Variants in UNC5C observed in about 807,000 individuals in gnomAD.
The protein encoded by UNC5C is netrin receptor UNC5C.
In UNC5C, 47 loss-of-function variants were observed where a neutral mutation model predicts 99.8. That is an observed-to-expected ratio of 0.47 (90% confidence interval 0.37 to 0.60). The LOEUF is 0.60. UNC5C is among the 20% of genes least tolerant of loss of function. The pLI is 0.00. For missense variants in UNC5C, 1,062 were observed against 1,165.9 expected (o/e 0.91, Z 1.30); for synonymous variants, 487 against 452.2 (o/e 1.08, Z -0.98).
At chr4:95,289,605 C>T (rs1437377722) in intron 3 of UNC5C, among the ~76,000 whole-genome samples, 3 of 152,086 alleles carry the variant, frequency 2.0e-5, no homozygotes, top group Non-Finnish European at 4.4e-5. Context: ...CAAAGTGCTC[C>T]TCTAGCAAAT....
At chr4:95,526,801 C>G (rs550398866) in intron 1 of UNC5C, among the ~76,000 whole-genome samples, 2 of 148,668 alleles carry the variant, frequency 1.3e-5, no homozygotes, top group Admixed American at 6.7e-5. Flanking sequence ...TGAAACTACT[C>G]ATGTGGATTG....
At chr4:95,213,309 T>C (rs1738137615) in intron 10 of UNC5C, among the ~76,000 whole-genome samples, 1 of 152,226 alleles carries the variant, frequency 6.6e-6, no homozygotes, top group South Asian at 2.1e-4. Flanking sequence ...TTGTGCAAAC[T>C]GCTACTAGAA....
At chr4:95,304,270 G>A (rs1448996295) in intron 2 of UNC5C, among the ~76,000 whole-genome samples, 1 of 152,164 alleles carries the variant, frequency 6.6e-6, no homozygotes, top group Non-Finnish European at 1.5e-5. Context: ...ATCCTTGTAT[G>A]TTTATATATT....
At chr4:95,237,114 T>C (rs946237399) in intron 7 of UNC5C, among the ~76,000 whole-genome samples, 1 of 152,214 alleles carries the variant, frequency 6.6e-6, no homozygotes, top group Non-Finnish European at 1.5e-5. Flanking sequence ...TTATACTGTA[T>C]TTTAACATTT....
intron 2 of UNC5C, among the ~76,000 whole-genome samples, chr4:95,315,400 TTTATGTCTA>T (rs1196528487): frequency 6.6e-6 from 1 of 152,196 alleles, no homozygotes; most frequent in Non-Finnish European, 1.5e-5. Context: ...TTGTAATGTC[TTTATGTCTA>T]TTCTACACTA....
chr4:95,418,045 C>G (rs555275530), intron 1 of UNC5C, among the ~76,000 whole-genome samples: 2 of 152,100 alleles, frequency 1.3e-5, no homozygotes, highest in Non-Finnish European at 2.9e-5. Flanking sequence ...TATGGTGACT[C>G]CTTCTTCCAT....
At chr4:95,497,752 A>G (rs534740538) in intron 1 of UNC5C, among the ~76,000 whole-genome samples, 16 of 152,120 alleles carry the variant, frequency 1.1e-4, no homozygotes, top group African/African-American at 3.6e-4. Context: ...ATGGTATTAG[A>G]GAAAGTTAAG....
intron 3 of UNC5C, among the ~76,000 whole-genome samples, chr4:95,296,044 T>C (rs1460105448): frequency 6.6e-6 from 1 of 152,222 alleles, no homozygotes; most frequent in East Asian, 1.9e-4. Context: ...GCCGAGATTG[T>C]GCTATTGCAC....
At chr4:95,424,518 CTTTTTTT>C (rs536039867) in intron 1 of UNC5C, among the ~76,000 whole-genome samples, 9 of 67,962 alleles carry the variant, frequency 1.3e-4, no homozygotes, top group East Asian at 1.3e-3. Context: ...TTTTTCTTTT[CTTTTTTT>C]TTTTTTTTTT....
rs758844127 is a variant in UNC5C, at chr4:95,219,113, G to T, written c.1501C>A (p.Leu501Met). ...AACGACTGGGTCATCTGAGGGGACA[G>T]CTTGGACGTAAACTCAGAGAGGTCA... ...QDDLSEFTSK[L>M]SPQMTQSLLE... Residue 501 changes from leucine (L) to methionine (M), a missense_variant, in exon 9 of 16, where the codon CTG becomes ATG. By Grantham distance (15) the Leu-to-Met change is conservative. This residue lies in a region of UNC5C where 810 missense variants were observed against 854.5 expected (regional missense o/e 0.95). Transcript: ENST00000453304. The T allele has an allele frequency of 6.2e-7, 1 of 1,614,168 alleles. No homozygotes were observed. Among genetic ancestry groups the T allele is most frequent in the South Asian group, 1.1e-5 (1 of 91,086 alleles).
chr4:95,486,437 C>T (rs1029516394), intron 1 of UNC5C, among the ~76,000 whole-genome samples: 1 of 115,198 alleles, frequency 8.7e-6, no homozygotes, highest in Non-Finnish European at 2.1e-5. Flanking sequence ...CTCTTCTTGA[C>T]ATTTCTACTG....
chr4:95,424,608 A>G (rs1408599439), intron 1 of UNC5C, among the ~76,000 whole-genome samples: 14 of 129,012 alleles, frequency 1.1e-4, no homozygotes, highest in South Asian at 7.5e-4. Flanking sequence ...TGCAAGCTCC[A>G]CCTCCCGGGT....
chr4:95,222,257 TAAATGAAACCTTGAAAAGAAAAAA>T, intron 7 of UNC5C: 1 of 1,469,068 alleles, frequency 6.8e-7, no homozygotes, highest in Non-Finnish European at 9.0e-7. Context: ...TGAAATGGGA[TAAATGAAACCTTGAAAAGAAAAAA>T]AAATGAAACA....
At chr4:95,214,617 G>A (rs1027450750) in intron 10 of UNC5C, among the ~76,000 whole-genome samples, 1 of 152,226 alleles carries the variant, frequency 6.6e-6, no homozygotes, top group Non-Finnish European at 1.5e-5. Context: ...GCCCCTTAAG[G>A]CTTGATCTTC....
At chr4:95,536,793 T>C (rs1722793175) in intron 1 of UNC5C, among the ~76,000 whole-genome samples, 1 of 152,214 alleles carries the variant, frequency 6.6e-6, no homozygotes, top group African/African-American at 2.4e-5. Flanking sequence ...CTGTTATTAA[T>C]GTTTGAGTTA....
chr4:95,310,971 G>A lies in UNC5C; in HGVS notation c.347-9222C>T, dbSNP rs56115801. Among the ~76,000 whole-genome samples, 1,144 of 152,150 alleles carry A rather than the reference G, an allele frequency of 7.5e-3. 13 individuals are homozygous for A. Among genetic ancestry groups the A allele is most frequent in the East Asian group, 0.033 (172 of 5,172 alleles). On this transcript the variant is annotated intron_variant, in intron 2 of 15. Transcript: ENST00000453304. ...CACAGTTTTCCTCTTTCCTTTGTGC[G>A]AGCATCAGGTTTTGAGTTTTACAGG...
chr4:95,259,862 T>A (rs1181540577), intron 4 of UNC5C, among the ~76,000 whole-genome samples: 1 of 152,320 alleles, frequency 6.6e-6, no homozygotes, highest in South Asian at 2.1e-4. Context: ...TCTATATTTT[T>A]ATAATTTTTA....
intron 4 of UNC5C, among the ~76,000 whole-genome samples, chr4:95,262,412 T>C (rs1246061436): frequency 6.6e-6 from 1 of 152,236 alleles, no homozygotes; most frequent in African/African-American, 2.4e-5. Flanking sequence ...AGGTTCTCAG[T>C]ATTTGAATTC....
intron 7 of UNC5C, among the ~76,000 whole-genome samples, chr4:95,239,730 A>G (rs1289986856): frequency 6.6e-6 from 1 of 152,196 alleles, no homozygotes; most frequent in Non-Finnish European, 1.5e-5. Context: ...CCAACATTTT[A>G]ATATATTTTC....
Sources: allele counts gnomAD v4.1 joint callset (sites outside exome capture counted in the v4.1 genomes callset), GRCh38; gene constraint gnomAD v4.1.1; regional missense constraint gnomAD v4.1.1; transcripts MANE v1.5; gene names NCBI Gene and HGNC (gene_info 2026-07-23, HGNC 2026-07-21).